SORCS2: variants seen among roughly 807,000 people sequenced by gnomAD.
SORCS2 encodes the protein sortilin related VPS10 domain containing receptor 2.
A neutral mutation model predicts 141.6 loss-of-function variants in SORCS2; 100 were observed. That is an observed-to-expected ratio of 0.71 (90% CI 0.60 to 0.83). The LOEUF (loss-of-function observed/expected upper bound fraction) is 0.83. Among genes scored for constraint, SORCS2 ranks in the 40% least tolerant of loss-of-function variants. The probability of loss-of-function intolerance (pLI) is 0.00; values close to 1 mark genes in which losing one functional copy is unlikely to be tolerated. For missense variants in SORCS2, 1,646 were observed against 1,560.2 expected, an observed-to-expected ratio of 1.05 and a Z score of -0.93; for synonymous variants, 789 against 676.9, an observed-to-expected ratio of 1.17 and a Z score of -2.57.
intron 2 of SORCS2, among the ~76,000 whole-genome samples, chr4:7,435,782 G>T (rs560292222): frequency 1.3e-5 from 2 of 152,270 alleles, no homozygotes; most frequent in Admixed American, 6.5e-5. Context: ...ACGCACAGGC[G>T]CCTTGCGTCG....
chr4:7,307,882 A>AT (rs1280147481), intron 1 of SORCS2, among the ~76,000 whole-genome samples: 1 of 150,836 alleles, frequency 6.6e-6, no homozygotes, highest in African/African-American at 2.4e-5. Context: ...GTGTATGTGC[A>AT]TGGGTTTGTG....
chr4:7,720,961 A>G (rs1726547240), intron 18 of SORCS2, among the ~76,000 whole-genome samples: 1 of 152,246 alleles, frequency 6.6e-6, no homozygotes, highest in South Asian at 2.1e-4. Flanking sequence ...TGCAACGACC[A>G]GAGGACTGAG....
At chr4:7,263,198 C>T (rs956453503) in intron 1 of SORCS2, among the ~76,000 whole-genome samples, 3 of 152,156 alleles carry the variant, frequency 2.0e-5, no homozygotes, top group African/African-American at 7.2e-5. Flanking sequence ...GTTTTAAATA[C>T]TCAATAAATG....
chr4:7,327,213 T>A (rs1232240538), intron 1 of SORCS2, among the ~76,000 whole-genome samples: 1 of 152,216 alleles, frequency 6.6e-6, no homozygotes, highest in African/African-American at 2.4e-5. Flanking sequence ...GGCAGAGGTC[T>A]ATAATCAAGG....
intron 1 of SORCS2, among the ~76,000 whole-genome samples, chr4:7,381,325 G>C (rs4398522): frequency 0.047 from 7,155 of 152,262 alleles, 254 homozygotes; most frequent in East Asian, 0.15. Context: ...GAGACACACG[G>C]AGCACAGAGC....
intron 12 of SORCS2, among the ~76,000 whole-genome samples, chr4:7,700,230 T>C (rs535389440): frequency 2.6e-5 from 4 of 152,324 alleles, no homozygotes; most frequent in African/African-American, 7.2e-5. Context: ...ATCTGGACTT[T>C]CCCTAAAACA....
At chr4:7,387,515 A>G (rs200741579) in intron 1 of SORCS2, among the ~76,000 whole-genome samples, 29 of 151,104 alleles carry the variant, frequency 1.9e-4, no homozygotes, top group African/African-American at 3.2e-4. Flanking sequence ...ACAGGTACAC[A>G]GAGATACATA....
At chr4:7,465,056 C>T (rs975774886) in intron 2 of SORCS2, among the ~76,000 whole-genome samples, 1 of 152,230 alleles carries the variant, frequency 6.6e-6, no homozygotes, top group African/African-American at 2.4e-5. Flanking sequence ...CAAAGCACCC[C>T]CCTTGCAGGG....
intron 2 of SORCS2, among the ~76,000 whole-genome samples, chr4:7,497,976 A>C (rs4234822): frequency 0.97 from 147,855 of 152,364 alleles, 71,861 homozygotes; most frequent in East Asian, 1. Context: ...GGTGATGGAG[A>C]AGGAAGGTGC....
chr4:7,669,109 C>T (rs1722658140), intron 8 of SORCS2, among the ~76,000 whole-genome samples: 1 of 152,204 alleles, frequency 6.6e-6, no homozygotes, highest in Non-Finnish European at 1.5e-5. Context: ...CCGCTGTGGA[C>T]CCTTGACAGT....
intron 1 of SORCS2, among the ~76,000 whole-genome samples, chr4:7,252,165 T>TG (rs1416055045): frequency 1.3e-5 from 2 of 152,180 alleles, no homozygotes; most frequent in African/African-American, 4.8e-5. Context: ...ACCTGGCATC[T>TG]GGGGGGCCTC....
At position 7,714,298 on chromosome 4, in the gene SORCS2, G is replaced by C. The variant is rs1217271506; in HGVS notation, c.2048G>C (p.Trp683Ser). The change falls in exon 16 of 27, where the codon TGG becomes TCG. Residue 683 changes from tryptophan (W) to serine (S), a missense_variant. Physicochemically the swap from Trp to Ser is radical, Grantham distance 177. Coordinates refer to ENST00000507866, the MANE Select transcript of SORCS2 (RefSeq NM_020777.3). The stretch of plus-strand genomic sequence containing the variant: ...TTCCGGAAAAGAAAGTCCACGTCCT[G>C]GTGCATCAAGGGGAGGAGCTTCACG... ...RSFRKRKSTS[W>S]CIKGRSFTSA... The C allele has an allele frequency of 6.2e-7, 1 of 1,604,714 alleles. No individual in the cohort carries two copies. Among genetic ancestry groups the C allele is most frequent in the Admixed American group, 1.7e-5 (1 of 58,994 alleles).
rs372914155 is a variant in SORCS2, at chr4:7,703,734, T to C, written c.1760+363T>C. On this transcript the variant is annotated intron_variant, in intron 13 of 26. Transcript: ENST00000507866. ...ATGCCCAGGTGAGAGGGTTGGCAGC[T>C]GAAGGCCGTCGTGGGGAAGGGAGGG... Among the ~76,000 whole-genome samples the C allele has an allele frequency of 1.3e-4, 19 of 151,794 alleles. No homozygotes were observed. In the South Asian group the frequency reaches 4.0e-3, roughly 32 times the overall value.
chr4:7,356,976 C>T (rs1008284168), intron 1 of SORCS2, among the ~76,000 whole-genome samples: 1 of 152,242 alleles, frequency 6.6e-6, no homozygotes, highest in Admixed American at 6.5e-5. Flanking sequence ...CTTTTCTCAT[C>T]TCATCCTTCC....
intron 2 of SORCS2, among the ~76,000 whole-genome samples, chr4:7,506,712 A>G (rs566238800): frequency 2.0e-5 from 3 of 152,232 alleles, no homozygotes; most frequent in African/African-American, 4.8e-5. Context: ...TTTAAAGGAC[A>G]TAGGCTGTGC....
chr4:7,295,496 C>T (rs904027028), intron 1 of SORCS2, among the ~76,000 whole-genome samples: 21 of 152,102 alleles, frequency 1.4e-4, no homozygotes, highest in Non-Finnish European at 2.6e-4. Flanking sequence ...GGAGCCTGGC[C>T]GTTGGCTCGA....
intron 8 of SORCS2, among the ~76,000 whole-genome samples, chr4:7,670,290 T>C (rs1295381169): frequency 6.6e-6 from 1 of 152,246 alleles, no homozygotes; most frequent in Non-Finnish European, 1.5e-5. Flanking sequence ...TTTGTCAATA[T>C]CTTTTGCTTA....
At position 7,640,044 on chromosome 4, in the gene SORCS2, T is replaced by C. The variant is rs1485935127; in HGVS notation, c.813+1552T>C. On this transcript the variant is annotated intron_variant, in intron 4 of 26. Transcript: ENST00000507866. ...GAGTGTGTACGTGAGTGTGCATGTG[T>C]GAGAGTGTGAGTGTGTGTGTTTATG... 3.8e-5 allele frequency among the ~76,000 whole-genome samples: 5 copies of C among 130,250 alleles called. No homozygotes were observed. The Admixed American group carries it at 4.3e-4, about 11-fold the overall frequency. The allele number at this position is 130,250 out of a possible 152,430, so 85.4% of individuals were successfully genotyped here.
chr4:7,700,155 C>T (rs1285794388), intron 12 of SORCS2, among the ~76,000 whole-genome samples: 1 of 152,240 alleles, frequency 6.6e-6, no homozygotes, highest in Non-Finnish European at 1.5e-5. Context: ...GCCCTTGTGC[C>T]TCCGAAGGTT....
Sources: allele counts gnomAD v4.1 joint callset (sites outside exome capture counted in the v4.1 genomes callset), GRCh38; gene constraint gnomAD v4.1.1; transcripts MANE v1.5; gene names NCBI Gene and HGNC (gene_info 2026-07-23, HGNC 2026-07-21).